The following KCNMA1 variants were observed in gnomAD, a reference collection of about 807,000 sequenced individuals.
KCNMA1 encodes the protein Calcium-activated potassium channel subunit alpha-1.
A neutral mutation model predicts 140.0 loss-of-function variants in KCNMA1; 29 were observed. That is an observed-to-expected ratio of 0.21 (90% confidence interval 0.15 to 0.28). The LOEUF is 0.28. KCNMA1 is among the 10% of genes least tolerant of loss of function. The pLI is 1.00. For missense variants in KCNMA1, 880 were observed against 1,602.2 expected, an observed-to-expected ratio of 0.55 and a Z score of 7.70; for synonymous variants, 612 against 611.9, an observed-to-expected ratio of 1.00 and a Z score of 0.00.
At chr10:77,602,037 G>C (rs77338892) in intron 1 of KCNMA1, among the ~76,000 whole-genome samples, 3,113 of 152,292 alleles carry the variant, frequency 0.02, 44 homozygotes, top group Non-Finnish European at 0.034. Flanking sequence ...GAATGAGACT[G>C]TCCTTTATAC....
At chr10:77,063,375 GCGGAGGT>G (rs952094917) in intron 14 of KCNMA1, among the ~76,000 whole-genome samples, 1 of 152,008 alleles carries the variant, frequency 6.6e-6, no homozygotes, top group African/African-American at 2.4e-5. Flanking sequence ...GGAGAGGTGG[GCGGAGGT>G]TGCAGTGAGC....
chr10:77,076,574 G>A (rs775222119), intron 13 of KCNMA1, among the ~76,000 whole-genome samples: 30 of 152,268 alleles, frequency 2.0e-4, no homozygotes, highest in Non-Finnish European at 2.1e-4. Context: ...CTCCCCGCTC[G>A]CTGGCTGCAG....
chr10:77,181,465 C>A (rs1336589555), intron 5 of KCNMA1, among the ~76,000 whole-genome samples: 1 of 152,164 alleles, frequency 6.6e-6, no homozygotes, highest in Non-Finnish European at 1.5e-5. Flanking sequence ...ACCCCAATGA[C>A]CTAGATCCCA....
chr10:77,382,982 GTGTGTGTGTGTGTATATA>G lies in KCNMA1; in HGVS notation c.540+20862_540+20879del, dbSNP rs1367672396. On this transcript the variant is annotated intron_variant, in intron 2 of 27. Transcript: ENST00000286628. Reference sequence around the variant, plus strand: ...TACGTGTGTGTGTGTGTGTGTGTGTGTGTGTGTGTGTGTATATATATATATATATATATATATATATAT... The same window carrying G: ...TACGTGTGTGTGTGTGTGTGTGTGTGTATATATATATATATATATATATAT... Among the ~76,000 whole-genome samples the G allele has an allele frequency of 6.1e-4, 46 of 75,364 alleles. 1 individual carries two copies. The highest frequency in any genetic ancestry group is 2.8e-3 in the African/African-American group (37 of 13,196). The allele number at this position is 75,364 out of a possible 152,430, so 49.4% of individuals were successfully genotyped here. A position where few individuals can be genotyped will look rare whatever the true frequency, so the allele number is the denominator to read the frequency against.
At chr10:77,225,203 T>C (rs1330039389) in intron 3 of KCNMA1, among the ~76,000 whole-genome samples, 5 of 152,072 alleles carry the variant, frequency 3.3e-5, no homozygotes, top group African/African-American at 1.2e-4. Flanking sequence ...AGAGAGAAAC[T>C]GAGCAATGTG....
At chr10:77,385,999 G>A (rs1355113310) in intron 2 of KCNMA1, among the ~76,000 whole-genome samples, 2 of 152,212 alleles carry the variant, frequency 1.3e-5, no homozygotes, top group Admixed American at 1.3e-4. Flanking sequence ...CAAATCCATA[G>A]GACGTGCCTC....
downstream of KCNMA1, chr10:76,876,683 T>C (rs1482102082): frequency 6.6e-6 from 1 of 152,218 alleles, no homozygotes; most frequent in Non-Finnish European, 1.5e-5. Flanking sequence ...TCTGTCTCCA[T>C]GATTGTAGAA....
At chr10:76,905,417 C>T (rs542097033) in intron 25 of KCNMA1, among the ~76,000 whole-genome samples, 41 of 152,294 alleles carry the variant, frequency 2.7e-4, no homozygotes, top group Middle Eastern at 3.4e-3. Context: ...AGGATCCTCT[C>T]GCCAAGTCTG....
At position 77,209,756 on chromosome 10, in the gene KCNMA1, C is replaced by T. The variant is rs538360330; in HGVS notation, c.603-24840G>A. On this transcript the variant is annotated intron_variant, in intron 3 of 27. Coordinates refer to ENST00000286628, the MANE Select transcript of KCNMA1 (RefSeq NM_001161352.2). ...ATCCCACAGAATTACAAAAGATTCTCGAAGACTATTATGAATACCTCTATG... is the reference window on the plus strand; with the variant it reads ...ATCCCACAGAATTACAAAAGATTCTTGAAGACTATTATGAATACCTCTATG... Among the ~76,000 whole-genome samples the T allele has an allele frequency of 2.7e-4, 41 of 152,022 alleles. 2 individuals carry two copies. Among genetic ancestry groups the T allele is most frequent in the South Asian group, 2.1e-4 (1 of 4,812 alleles).
At position 77,079,528 on chromosome 10, in the gene KCNMA1, G is replaced by C. The variant is rs1328322372; in HGVS notation, c.1546C>G (p.His516Asp). ...IMRVISIKNY[H>D]PKIRIITQML... ...TGAGTGATGATTCTTATCTTCGGATGGTAGTTCTTTATGGAGATTACTCTG... is the reference window on the plus strand; with the variant it reads ...TGAGTGATGATTCTTATCTTCGGATCGTAGTTCTTTATGGAGATTACTCTG... The change falls in exon 13 of 28, where the codon CAT becomes GAT. Residue 516 changes from histidine to aspartate, a missense_variant. His to Asp is a moderately conservative substitution (Grantham distance 81, BLOSUM62 -1). This residue lies in a region of KCNMA1 where 198 missense variants were observed against 580.1 expected (regional missense o/e 0.34). Transcript: ENST00000286628. The C allele has an allele frequency of 6.2e-7, 1 of 1,611,428 alleles. No individual in the cohort carries two copies. Among genetic ancestry groups the C allele is most frequent in the Non-Finnish European group, 8.5e-7 (1 of 1,177,618 alleles).
chr10:77,484,116 C>T (rs1249577945), intron 1 of KCNMA1, among the ~76,000 whole-genome samples: 1 of 152,210 alleles, frequency 6.6e-6, no homozygotes, highest in Non-Finnish European at 1.5e-5. Context: ...TCTCCTCTCT[C>T]ATTTACTATT....
At chr10:77,082,571 A>T (rs757077569) in intron 12 of KCNMA1, among the ~76,000 whole-genome samples, 18 of 148,712 alleles carry the variant, frequency 1.2e-4, no homozygotes, top group South Asian at 4.3e-4. Flanking sequence ...AAAGGGTTAC[A>T]TTTTTTTTTT....
chr10:77,444,605 G>A (rs1231845851), intron 1 of KCNMA1, among the ~76,000 whole-genome samples: 1 of 152,168 alleles, frequency 6.6e-6, no homozygotes, highest in East Asian at 1.9e-4. Context: ...ATAATGCCAT[G>A]CCATATGCCT....
intron 21 of KCNMA1, chr10:76,952,308 C>G: frequency 1.3e-6 from 1 of 788,696 alleles, no homozygotes; most frequent in Admixed American, 2.9e-5. Context: ...ATCATGAGCT[C>G]AAGAAATCGA....
chr10:77,113,068 A>AT (rs894708684), intron 6 of KCNMA1, among the ~76,000 whole-genome samples: 30 of 151,744 alleles, frequency 2.0e-4, no homozygotes, highest in East Asian at 3.9e-4. Context: ...ATGTTTATTG[A>AT]TTTTTTTTTA....
chr10:77,226,788 T>C (rs1362911296), intron 3 of KCNMA1, among the ~76,000 whole-genome samples: 1 of 152,006 alleles, frequency 6.6e-6, no homozygotes, highest in African/African-American at 2.4e-5. Flanking sequence ...GGGCTTCAGG[T>C]AAAAGAGGAG....
intron 12 of KCNMA1, among the ~76,000 whole-genome samples, chr10:77,082,007 CTTTTTTTTTTTTT>C (rs201288668): frequency 5.8e-4 from 19 of 32,514 alleles, no homozygotes; most frequent in Admixed American, 3.6e-3. Flanking sequence ...TTTTTCTTTT[CTTTTTTTTTTTTT>C]TTTTTTTTTT....
At chr10:76,963,283 T>C (rs2072453727) in intron 20 of KCNMA1, among the ~76,000 whole-genome samples, 2 of 152,206 alleles carry the variant, frequency 1.3e-5, no homozygotes, top group Admixed American at 1.3e-4. Flanking sequence ...CAGCATCACC[T>C]GGAAGTTTAA....
At chr10:77,049,779 G>GA (rs2153624018) in intron 14 of KCNMA1, among the ~76,000 whole-genome samples, 1 of 152,194 alleles carries the variant, frequency 6.6e-6, no homozygotes, top group South Asian at 2.1e-4. Context: ...TCTGAGCATG[G>GA]AAAAAATTTC....
Sources: gnomAD v4.1 joint callset for allele counts (sites outside exome capture counted in the v4.1 genomes callset) on GRCh38, gnomAD v4.1.1 for gene constraint, gnomAD v4.1.1 regional missense constraint, MANE v1.5 for transcripts, NCBI Gene and HGNC (gene_info 2026-07-23, HGNC 2026-07-21) for gene names.